The following C7orf33 variants were observed in gnomAD, a reference collection of about 807,000 sequenced individuals.
C7orf33 encodes the protein chromosome 7 open reading frame 33, also known as uncharacterized protein C7orf33.
In C7orf33, 15 loss-of-function variants were observed where a neutral mutation model predicts 13.4. That is an observed-to-expected ratio of 1.12 (90% CI 0.75 to 1.72). The LOEUF is 1.72. Ranked by LOEUF, C7orf33 falls within the 40% of genes most tolerant of loss-of-function variation. The pLI, the probability that C7orf33 is intolerant of heterozygous loss-of-function variation, is 0.00. For synonymous variants in C7orf33, 73 were observed against 83.2 expected (o/e 0.88, Z 0.67); for missense variants, 187 against 220.3 (o/e 0.85, Z 0.96).
intron 1 of C7orf33, among the ~76,000 whole-genome samples, chr7:148,606,518 G>A (rs1796474759): frequency 6.6e-6 from 1 of 152,146 alleles, no homozygotes; most frequent in Non-Finnish European, 1.5e-5. Flanking sequence ...AAAATATGCA[G>A]CAGACACAAA....
At chr7:148,614,374 A>T in intron 2 of C7orf33, 78 bp downstream of exon 2, 1 of 1,445,156 alleles carries the variant, frequency 6.9e-7, no homozygotes, top group African/African-American at 1.4e-5. Flanking sequence ...GAAAATGAAG[A>T]TTGGAGGGAT....
chr7:148,603,256 G>T (rs1312248324), intron 1 of C7orf33, among the ~76,000 whole-genome samples: 1 of 152,060 alleles, frequency 6.6e-6, no homozygotes, highest in East Asian at 1.9e-4. Flanking sequence ...TCTCAGAAGA[G>T]CTCTGAGACC....
rs1242859631 is a variant in C7orf33 at position 148,592,835 on chromosome 7, C to CT, written c.204+1714dup. Among the ~76,000 whole-genome samples the CT allele has an allele frequency of 4.0e-5, 6 of 151,832 alleles. No homozygotes were observed. In the South Asian group the frequency reaches 6.3e-4, roughly 16 times the overall value. Reference sequence around the variant, plus strand: ...CCAGCAGGGTAGATATGATTTAAATCTTTTTTTTATTATTGTTTTTTTGAG... The same window carrying CT: ...CCAGCAGGGTAGATATGATTTAAATCTTTTTTTTTATTATTGTTTTTTTGAG... On this transcript the variant is annotated intron_variant, in intron 1 of 2. Transcript: ENST00000307003.
intron 1 of C7orf33, among the ~76,000 whole-genome samples, chr7:148,592,103 T>A (rs769571492): frequency 6.6e-6 from 1 of 152,206 alleles, no homozygotes; most frequent in Non-Finnish European, 1.5e-5. Flanking sequence ...CACACCCTCA[T>A]TGTGGCACAG....
intron 1 of C7orf33, among the ~76,000 whole-genome samples, chr7:148,592,992 C>T (rs889223616): frequency 6.6e-6 from 1 of 152,028 alleles, no homozygotes; most frequent in African/African-American, 2.4e-5. Flanking sequence ...AGGCACCCAC[C>T]ACCACATCCT....
chr7:148,597,530 C>T (rs979458784), intron 1 of C7orf33, among the ~76,000 whole-genome samples: 5 of 152,136 alleles, frequency 3.3e-5, no homozygotes, highest in Non-Finnish European at 4.4e-5. Context: ...GATACACCCA[C>T]CTTGGCCTCC....
chr7:148,597,782 A>G (rs955813719), intron 1 of C7orf33, among the ~76,000 whole-genome samples: 3 of 140,440 alleles, frequency 2.1e-5, no homozygotes, highest in Non-Finnish European at 4.8e-5. Context: ...TTGAGACGGA[A>G]TCTCGCACTG....
intron 1 of C7orf33, among the ~76,000 whole-genome samples, chr7:148,608,198 C>T (rs114960212): frequency 3.9e-5 from 6 of 152,000 alleles, no homozygotes; most frequent in Non-Finnish European, 5.9e-5. Context: ...GGGAGGCTGA[C>T]GCAGGCGGAT....
At chr7:148,597,102 A>G (rs962913380) in intron 1 of C7orf33, among the ~76,000 whole-genome samples, 5 of 152,010 alleles carry the variant, frequency 3.3e-5, no homozygotes, top group Non-Finnish European at 5.9e-5. Flanking sequence ...TGAGCCAATT[A>G]TGAATACAGC....
chr7:148,595,976 A>G (rs1398021150), intron 1 of C7orf33, among the ~76,000 whole-genome samples: 1 of 151,866 alleles, frequency 6.6e-6, no homozygotes, highest in Non-Finnish European at 1.5e-5. Flanking sequence ...ATGAGTAACT[A>G]CAAAATTGCA....
chr7:148,598,102 A>G (rs1222737436), intron 1 of C7orf33, among the ~76,000 whole-genome samples: 1 of 152,126 alleles, frequency 6.6e-6, no homozygotes, highest in Non-Finnish European at 1.5e-5. Flanking sequence ...CTTAAACAAC[A>G]CACTGTATTT....
intron 1 of C7orf33, among the ~76,000 whole-genome samples, chr7:148,598,268 A>G (rs1796365687): frequency 6.6e-6 from 1 of 152,042 alleles, no homozygotes; most frequent in Non-Finnish European, 1.5e-5. Flanking sequence ...TTTGTGTGCC[A>G]TTCTATAAAC....
intron 1 of C7orf33, among the ~76,000 whole-genome samples, chr7:148,595,976 A>T (rs1398021150): frequency 1.3e-5 from 2 of 151,866 alleles, no homozygotes; most frequent in East Asian, 1.9e-4. Context: ...ATGAGTAACT[A>T]CAAAATTGCA....
At chr7:148,613,149 T>A (rs1796564423) in intron 1 of C7orf33, among the ~76,000 whole-genome samples, 1 of 152,180 alleles carries the variant, frequency 6.6e-6, no homozygotes, top group Non-Finnish European at 1.5e-5. Context: ...AGTCTCCTCC[T>A]CACCACTCTT....
chr7:148,592,516 A>ATTT (rs11373127), intron 1 of C7orf33, among the ~76,000 whole-genome samples: 3 of 140,826 alleles, frequency 2.1e-5, no homozygotes, highest in African/African-American at 7.8e-5. Flanking sequence ...GGTAGATAGG[A>ATTT]TTTTTTTTTT....
chr7:148,597,065 G>A (rs1049756368), intron 1 of C7orf33, among the ~76,000 whole-genome samples: 2 of 151,768 alleles, frequency 1.3e-5, no homozygotes, highest in Non-Finnish European at 2.9e-5. Context: ...TTTACCTACT[G>A]GAGGACATCT....
chr7:148,596,940 T>C (rs1796346426), intron 1 of C7orf33, among the ~76,000 whole-genome samples: 1 of 152,222 alleles, frequency 6.6e-6, no homozygotes. Context: ...TTGGCTTCTT[T>C]CACTTAGCGA....
chr7:148,599,144 T>C (rs1273963195), intron 1 of C7orf33, among the ~76,000 whole-genome samples: 1 of 152,066 alleles, frequency 6.6e-6, no homozygotes, highest in African/African-American at 2.4e-5. Context: ...ATTACAGGTA[T>C]GAGCCACTGC....
At chr7:148,597,795 G>A (rs187781436) in intron 1 of C7orf33, among the ~76,000 whole-genome samples, 5 of 151,760 alleles carry the variant, frequency 3.3e-5, no homozygotes, top group African/African-American at 7.2e-5. Context: ...TCGCACTGTC[G>A]CCCAGGCTGG....
Sources: allele counts gnomAD v4.1 joint callset (sites outside exome capture counted in the v4.1 genomes callset), GRCh38; gene constraint gnomAD v4.1.1; transcripts MANE v1.5; gene names NCBI Gene and HGNC (gene_info 2026-07-23, HGNC 2026-07-21).